The following GPHN variants were observed in gnomAD, a reference collection of about 807,000 sequenced individuals.
The protein encoded by GPHN is gephyrin.
GPHN carries 17 observed loss-of-function variants against 95.5 expected under a neutral mutation model. The observed-to-expected ratio is 0.18, with a 90% confidence interval of 0.12 to 0.27. The LOEUF (loss-of-function observed/expected upper bound fraction) is 0.27. GPHN is among the 10% of genes least tolerant of loss of function. GPHN has a pLI of 1.00. For synonymous variants in GPHN, 320 were observed against 322.5 expected (o/e 0.99, Z 0.08); for missense variants, 660 against 978.1 (o/e 0.67, Z 4.34).
rs189731944 is a variant in GPHN, at chr14:67,137,093, G to A, written c.1749-6269G>A. ...AATCACTTAAAGCCAGGAGGCAGAG[G>A]TTGCAGTGAGTAGAGGTAGCGCCAT... On this transcript the variant is annotated intron_variant, in intron 17 of 22. Transcript: ENST00000478722. 3.6e-3 allele frequency among the ~76,000 whole-genome samples: 543 copies of A among 151,938 alleles called. 2 individuals carry two copies. Among genetic ancestry groups the A allele is most frequent in the African/African-American group, 0.012 (508 of 41,524 alleles).
the GPHN span, among the ~76,000 whole-genome samples, chr14:67,509,164 G>A: frequency 1.3e-5 from 2 of 152,110 alleles, no homozygotes; most frequent in South Asian, 2.1e-4. Context: ...AGCAGAAAGC[G>A]TGTTCCCTTT....
At chr14:67,666,526 A>G in the GPHN span, among the ~76,000 whole-genome samples, 1 of 152,244 alleles carries the variant, frequency 6.6e-6, no homozygotes, top group Non-Finnish European at 1.5e-5. Flanking sequence ...AACCTTTGAA[A>G]TCATTTCTTG....
Position 66,920,451 on chromosome 14 carries a change from T to C in GPHN, c.457-2215T>C, listed in dbSNP as rs760462594. Among the ~76,000 whole-genome samples the C allele has an allele frequency of 3.0e-4, 45 of 152,124 alleles. No individual in the cohort carries two copies. In the Middle Eastern group the frequency reaches 0.014, roughly 46 times the overall value. On this transcript the variant is annotated intron_variant, in intron 6 of 22. Coordinates refer to ENST00000478722, the MANE Select transcript of GPHN (RefSeq NM_020806.5). Reference sequence around the variant, plus strand: ...CTCAAACTCTTGGGCTTCTTTCCTATCTTTCCTGTCTTTCTCATAATGCAT... The same window carrying C: ...CTCAAACTCTTGGGCTTCTTTCCTACCTTTCCTGTCTTTCTCATAATGCAT...
chr14:67,710,742 G>C, the GPHN span, among the ~76,000 whole-genome samples: 14 of 150,534 alleles, frequency 9.3e-5, no homozygotes, highest in African/African-American at 3.4e-4. Context: ...TTTTTAGAAA[G>C]AACGTTTTCC....
At chr14:67,513,203 A>C in the GPHN span, among the ~76,000 whole-genome samples, 3 of 152,302 alleles carry the variant, frequency 2.0e-5, no homozygotes, top group Admixed American at 2.0e-4. Context: ...GGAGGCTCGG[A>C]GGTCAGGCCT....
At chr14:66,686,758 A>T (rs2067390410) in intron 2 of GPHN, among the ~76,000 whole-genome samples, 1 of 152,128 alleles carries the variant, frequency 6.6e-6, no homozygotes, top group Non-Finnish European at 1.5e-5. Flanking sequence ...CTCCTGCCTG[A>T]TTGCCCTGGC....
intron 1 of GPHN, among the ~76,000 whole-genome samples, chr14:66,545,639 T>C (rs866356016): frequency 2.4e-3 from 141 of 57,698 alleles, no homozygotes; most frequent in South Asian, 3.4e-3. Flanking sequence ...CCGGACAGGG[T>C]GGCTGGCCGG....
chr14:67,638,590 T>C, the GPHN span, among the ~76,000 whole-genome samples: 12 of 152,156 alleles, frequency 7.9e-5, no homozygotes, highest in African/African-American at 2.9e-4. Context: ...CCCAAGTCCT[T>C]ACCTGGCACT....
intron 1 of GPHN, among the ~76,000 whole-genome samples, chr14:66,533,479 A>G (rs1317274664): frequency 6.6e-6 from 1 of 152,234 alleles, no homozygotes; most frequent in Non-Finnish European, 1.5e-5. Context: ...TAAAAGCTGT[A>G]ATAGAAGTAC....
the GPHN span, among the ~76,000 whole-genome samples, chr14:67,422,527 A>G: frequency 1.3e-5 from 2 of 152,358 alleles, no homozygotes; most frequent in East Asian, 3.9e-4. Flanking sequence ...AGTTAAATGA[A>G]TAAAGGTAGA....
intron 5 of GPHN, among the ~76,000 whole-genome samples, chr14:66,906,456 T>C (rs572482332): frequency 6.6e-6 from 1 of 152,168 alleles, no homozygotes; most frequent in South Asian, 2.1e-4. Context: ...TAGAGGAAAA[T>C]TTTCTACATG....
chr14:67,619,385 C>T, the GPHN span, among the ~76,000 whole-genome samples: 1 of 152,234 alleles, frequency 6.6e-6, no homozygotes, highest in Non-Finnish European at 1.5e-5. Context: ...GTGCCCGGCT[C>T]AGAGAGCTCT....
At chr14:67,189,922 C>T in the GPHN span, among the ~76,000 whole-genome samples, 2 of 144,614 alleles carry the variant, frequency 1.4e-5, no homozygotes, top group African/African-American at 5.2e-5. Flanking sequence ...CTCACCACAA[C>T]CTCTGCCTCC....
At chr14:66,520,353 A>G (rs544407050) in intron 1 of GPHN, among the ~76,000 whole-genome samples, 3 of 152,264 alleles carry the variant, frequency 2.0e-5, no homozygotes, top group African/African-American at 4.8e-5. Flanking sequence ...TAGCTTTACA[A>G]GTTCTTTTGA....
chr14:67,053,700 T>G (rs1033525321), intron 10 of GPHN, among the ~76,000 whole-genome samples: 1 of 152,166 alleles, frequency 6.6e-6, no homozygotes, highest in Non-Finnish European at 1.5e-5. Context: ...TGATCATTGA[T>G]GCAAAAATTC....
chr14:67,687,222 C>T, the GPHN span, among the ~76,000 whole-genome samples: 101 of 152,322 alleles, frequency 6.6e-4, no homozygotes, highest in African/African-American at 2.4e-3. Context: ...TGCAACCCCT[C>T]TTGCCCCCAT....
chr14:67,668,149 C>T, the GPHN span, among the ~76,000 whole-genome samples: 1 of 152,066 alleles, frequency 6.6e-6, no homozygotes, highest in African/African-American at 2.4e-5. Context: ...TTTTATGATA[C>T]ACGTTAAGAC....
chr14:67,580,954 C>G, the GPHN span: 2 of 1,612,372 alleles, frequency 1.2e-6, no homozygotes, highest in Non-Finnish European at 1.7e-6. Context: ...GATGCCATCT[C>G]CAAGTGGGAA....
intron 9 of GPHN, among the ~76,000 whole-genome samples, chr14:67,009,866 C>T (rs142968271): frequency 0.012 from 1,828 of 152,082 alleles, 19 homozygotes; most frequent in Non-Finnish European, 0.018. Context: ...TCAAGCGATT[C>T]TCCTGCCTCA....
Sources: gnomAD v4.1 joint callset for allele counts (sites outside exome capture counted in the v4.1 genomes callset) on GRCh38, gnomAD v4.1.1 for gene constraint, MANE v1.5 for transcripts, NCBI Gene and HGNC (gene_info 2026-07-23, HGNC 2026-07-21) for gene names.